The following ASAH2 variants were observed in gnomAD, a reference collection of about 807,000 sequenced individuals.
ASAH2 encodes the protein N-acylsphingosine amidohydrolase 2, also known as neutral ceramidase.
In ASAH2, 58 loss-of-function variants were observed where a neutral mutation model predicts 82.9. The observed-to-expected ratio is 0.70, with a 90% CI of 0.57 to 0.87. The LOEUF (loss-of-function observed/expected upper bound fraction) is 0.87, where lower values mean the gene tolerates loss of function less well. ASAH2 is among the 40% of genes least tolerant of loss of function. The pLI is 0.00. For synonymous variants in ASAH2, 276 were observed against 289.7 expected (o/e 0.95, Z 0.48); for missense variants, 779 against 834.0 (o/e 0.93, Z 0.81).
chr10:50,221,243 C>A (rs954822777), intron 7 of ASAH2, among the ~76,000 whole-genome samples: 117 of 152,190 alleles, frequency 7.7e-4, no homozygotes, highest in Middle Eastern at 3.4e-3. Flanking sequence ...AAATTCTAAT[C>A]AACTAGTGTT....
intron 20 of ASAH2, among the ~76,000 whole-genome samples, chr10:50,189,205 T>G (rs1844831545): frequency 6.9e-6 from 1 of 145,976 alleles, no homozygotes; most frequent in South Asian, 2.3e-4. Flanking sequence ...GCTAGTTAGA[T>G]TTTACAAATA....
At chr10:50,248,281 G>A (rs1846524978) in intron 2 of ASAH2, among the ~76,000 whole-genome samples, 1 of 152,184 alleles carries the variant, frequency 6.6e-6, no homozygotes, top group Non-Finnish European at 1.5e-5. Context: ...CCTGTCAGCT[G>A]GCTATTGGGG....
intron 8 of ASAH2, among the ~76,000 whole-genome samples, chr10:50,217,615 A>C (rs556964336): frequency 7.7e-4 from 118 of 152,268 alleles, no homozygotes; most frequent in African/African-American, 2.8e-3. Context: ...CCCTCACCAG[A>C]TGGAGTTGTT....
At chr10:50,205,949 G>T in intron 13 of ASAH2, 33 bp downstream of exon 13, 1 of 1,474,358 alleles carries the variant, frequency 6.8e-7, no homozygotes, top group Non-Finnish European at 9.5e-7. Context: ...ATAACAATAT[G>T]CTAATTTCAC....
At chr10:50,231,560 G>A (rs928467957) in intron 7 of ASAH2, among the ~76,000 whole-genome samples, 7 of 152,074 alleles carry the variant, frequency 4.6e-5, no homozygotes, top group African/African-American at 1.7e-4. Flanking sequence ...ACCAGCTTGT[G>A]AGACCCTTAA....
intron 16 of ASAH2, among the ~76,000 whole-genome samples, chr10:50,199,778 C>T (rs1845092289): frequency 6.6e-6 from 1 of 151,416 alleles, no homozygotes; most frequent in East Asian, 1.9e-4. Flanking sequence ...TCCTCTCTCC[C>T]TCATCCTGTA....
intron 4 of ASAH2, among the ~76,000 whole-genome samples, chr10:50,238,161 C>A (rs1241164025): frequency 6.6e-6 from 1 of 152,174 alleles, no homozygotes; most frequent in Non-Finnish European, 1.5e-5. Context: ...AGCCAGCTCA[C>A]AATGTTTCTG....
intron 7 of ASAH2, among the ~76,000 whole-genome samples, chr10:50,228,112 C>T (rs1009837182): frequency 3.9e-5 from 6 of 152,028 alleles, no homozygotes; most frequent in Non-Finnish European, 8.8e-5. Flanking sequence ...TCCCTTGAGG[C>T]CAGGAGTTCA....
At chr10:50,212,865 G>C in intron 10 of ASAH2, 107 bp downstream of exon 10, 2 of 1,133,912 alleles carry the variant, frequency 1.8e-6, no homozygotes, top group Non-Finnish European at 2.7e-6. Context: ...AGCACAACCT[G>C]AGCATTTGCT....
chr10:50,202,760 G>A (rs1845186450), intron 16 of ASAH2, 69 bp downstream of exon 16: 1 of 1,079,004 alleles, frequency 9.3e-7, no homozygotes, highest in African/African-American at 1.5e-5. Flanking sequence ...TACAAAGCAA[G>A]TCTGCATTTG....
chr10:50,228,754 G>C (rs1416936985), intron 7 of ASAH2, among the ~76,000 whole-genome samples: 1 of 151,866 alleles, frequency 6.6e-6, no homozygotes, highest in Admixed American at 6.6e-5. Flanking sequence ...GAGAGGAGAG[G>C]AGAAGAGAAA....
chr10:50,209,206 T>G (rs1845387985), intron 12 of ASAH2, among the ~76,000 whole-genome samples: 1 of 152,110 alleles, frequency 6.6e-6, no homozygotes, highest in Non-Finnish European at 1.5e-5. Context: ...TAGGGGGAAA[T>G]CTTCATGACA....
intron 5 of ASAH2, among the ~76,000 whole-genome samples, chr10:50,235,518 A>G (rs1238819188): frequency 1.3e-5 from 2 of 152,014 alleles, no homozygotes; most frequent in Non-Finnish European, 2.9e-5. Context: ...AATATTTTAA[A>G]ATTTTAGAAT....
At chr10:50,241,604 G>A (rs886078009) in intron 4 of ASAH2, among the ~76,000 whole-genome samples, 6 of 152,174 alleles carry the variant, frequency 3.9e-5, no homozygotes, top group African/African-American at 1.4e-4. Flanking sequence ...GTTTATTGTG[G>A]CACTATTCAC....
chr10:50,203,716 C>T, intron 14 of ASAH2, 37 bp from the exon 15 acceptor site: 1 of 1,597,314 alleles, frequency 6.3e-7, no homozygotes, highest in Non-Finnish European at 8.6e-7. Flanking sequence ...CGTTTTCCTA[C>T]TAGACGTATG....
At chr10:50,212,940 C>A (rs961433337) in intron 10 of ASAH2, 32 bp downstream of exon 10, 17 of 1,590,024 alleles carry the variant, frequency 1.1e-5, no homozygotes, top group African/African-American at 2.7e-5. Context: ...CAATTTTAAA[C>A]AAAGATTAAA....
rs1845668717 is a variant in ASAH2, at chr10:50,218,578, T to C, written c.946A>G (p.Ser316Gly). Reference sequence around the variant, plus strand: ...TAAGATGCATAGCCCACATTGTCACTGTTTACAAGATGGTTACTGTTGTTC... The same window carrying C: ...TAAGATGCATAGCCCACATTGTCACCGTTTACAAGATGGTTACTGTTGTTC... ...SMNNSNHLVN[S>G]DNVGYASYLL... The change falls in exon 8 of 21, where the codon AGT (serine) becomes GGT (glycine). Residue 316 changes from serine to glycine, a missense_variant. Around this residue, in one of 3 missense-constraint regions of ASAH2, gnomAD observed 759 missense variants for 755.2 expected, o/e 1.00. Coordinates refer to ENST00000682911, the MANE Select transcript of ASAH2 (RefSeq NM_019893.4). The C allele has an allele frequency of 6.2e-7, 1 of 1,613,660 alleles. No homozygotes were observed. The highest frequency in any genetic ancestry group is 1.7e-5 in the Admixed American group (1 of 59,986).
chr10:50,225,812 C>T (rs1037251957), intron 7 of ASAH2, among the ~76,000 whole-genome samples: 122 of 152,190 alleles, frequency 8.0e-4, no homozygotes, highest in Middle Eastern at 3.4e-3. Flanking sequence ...TATCATAGGC[C>T]GGATGTGGTG....
At chr10:50,195,373 A>C (rs1844950126) in intron 18 of ASAH2, among the ~76,000 whole-genome samples, 2 of 150,894 alleles carry the variant, frequency 1.3e-5, no homozygotes, top group African/African-American at 4.9e-5. Flanking sequence ...AGAATGTATA[A>C]TATTTAAAAA....
Sources: gnomAD v4.1 joint callset for allele counts (sites outside exome capture counted in the v4.1 genomes callset) on GRCh38, gnomAD v4.1.1 for gene constraint, gnomAD v4.1.1 regional missense constraint, MANE v1.5 for transcripts, NCBI Gene and HGNC (gene_info 2026-07-23, HGNC 2026-07-21) for gene names.